RNF150: variants seen among roughly 807,000 people sequenced by gnomAD.
RNF150 encodes the protein ring finger protein 150.
RNF150 carries 24 observed loss-of-function variants against 39.3 expected under a neutral mutation model. The observed-to-expected ratio is 0.61, with a 90% CI of 0.44 to 0.86. The LOEUF is 0.86. Ranked by LOEUF, RNF150 falls within the 40% of genes least tolerant of loss-of-function variation. The pLI, the probability that RNF150 is intolerant of heterozygous loss-of-function variation, is 0.00. For synonymous variants in RNF150, 255 were observed against 227.3 expected, an observed-to-expected ratio of 1.12 and a Z score of -1.10; for missense variants, 502 against 587.8, an observed-to-expected ratio of 0.85 and a Z score of 1.51.
At chr4:141,029,889 A>G (rs888629826) in intron 1 of RNF150, among the ~76,000 whole-genome samples, 21 of 152,212 alleles carry the variant, frequency 1.4e-4, no homozygotes, top group Non-Finnish European at 2.6e-4. Flanking sequence ...AAGATGAAAT[A>G]CCAACATGCA....
At chr4:141,190,256 G>A (rs1297628874) in intron 1 of RNF150, among the ~76,000 whole-genome samples, 1 of 152,190 alleles carries the variant, frequency 6.6e-6, no homozygotes, top group Non-Finnish European at 1.5e-5. Flanking sequence ...TTGCAGACCA[G>A]AGCTGTTCCT....
chr4:140,936,603 CA>C (rs1257219632), intron 4 of RNF150, among the ~76,000 whole-genome samples: 12 of 151,994 alleles, frequency 7.9e-5, no homozygotes, highest in African/African-American at 2.9e-4. Flanking sequence ...GATAAGAACA[CA>C]AAATTCGTTA....
chr4:141,035,450 C>A (rs990533675), intron 1 of RNF150, among the ~76,000 whole-genome samples: 1 of 152,138 alleles, frequency 6.6e-6, no homozygotes, highest in Non-Finnish European at 1.5e-5. Flanking sequence ...GAAGAGGACA[C>A]AACAGAAGTC....
rs143884898 is a variant in RNF150 at position 141,087,370 on chromosome 4, G to A, written c.484+44955C>T. 8.0e-3 allele frequency among the ~76,000 whole-genome samples: 1,223 copies of A among 152,122 alleles called. 18 individuals carry two copies. Among genetic ancestry groups the A allele is most frequent in the African/African-American group, 0.028 (1,149 of 41,480 alleles). Reference sequence around the variant, plus strand: ...GGTGTATATATACTGCATTTTCCATGTGCATATTTTTCTACTACTCCTTTG... The same window carrying A: ...GGTGTATATATACTGCATTTTCCATATGCATATTTTTCTACTACTCCTTTG... On this transcript the variant is annotated intron_variant, in intron 1 of 6. Coordinates refer to ENST00000515673, the MANE Select transcript of RNF150 (RefSeq NM_020724.2).
At chr4:141,060,176 C>T (rs1737157885) in intron 1 of RNF150, among the ~76,000 whole-genome samples, 1 of 152,202 alleles carries the variant, frequency 6.6e-6, no homozygotes, top group African/African-American at 2.4e-5. Context: ...CACAGTGGCT[C>T]ACGCCTGTAA....
chr4:140,907,706 C>A (rs1418665923), intron 6 of RNF150, among the ~76,000 whole-genome samples: 1 of 152,228 alleles, frequency 6.6e-6, no homozygotes, highest in East Asian at 1.9e-4. Flanking sequence ...TGTTCTGTCT[C>A]TGAGCATAGC....
chr4:141,104,681 G>A (rs576938408), intron 1 of RNF150, among the ~76,000 whole-genome samples: 3 of 152,316 alleles, frequency 2.0e-5, no homozygotes, highest in East Asian at 3.9e-4. Flanking sequence ...ATTTAGAGGA[G>A]GCTGAATCGT....
intron 1 of RNF150, among the ~76,000 whole-genome samples, chr4:141,176,385 C>T (rs1424744068): frequency 6.6e-6 from 1 of 152,172 alleles, no homozygotes; most frequent in Non-Finnish European, 1.5e-5. Flanking sequence ...AAAATTTAAG[C>T]ACATGGCTTG....
intron 1 of RNF150, among the ~76,000 whole-genome samples, chr4:141,184,552 G>T (rs1345890055): frequency 1.3e-5 from 2 of 152,090 alleles, no homozygotes; most frequent in African/African-American, 2.4e-5. Context: ...ATTGCTTTTG[G>T]TATTTTAGTC....
At chr4:141,189,890 G>T (rs1004091843) in intron 1 of RNF150, among the ~76,000 whole-genome samples, 3 of 152,186 alleles carry the variant, frequency 2.0e-5, no homozygotes, top group Non-Finnish European at 2.9e-5. Flanking sequence ...CTTCAGCCCC[G>T]TTTCAGGGGA....
At chr4:140,985,415 G>A (rs1219975673) in intron 1 of RNF150, among the ~76,000 whole-genome samples, 1 of 152,120 alleles carries the variant, frequency 6.6e-6, no homozygotes, top group Non-Finnish European at 1.5e-5. Context: ...GACCTTATGA[G>A]AGAATGATAT....
rs542790089 is a variant in RNF150 at position 141,162,373 on chromosome 4, G to A, written c.-6+50421C>T. ...ATGGGATTATTTACCCAATGCCTAC[G>A]CCTCATTGCATCTTGGAAGTAACTA... On this transcript the variant is annotated intron_variant, in intron 1 of 7. Coordinates refer to the RNF150 transcript ENST00000420921. 9.9e-5 allele frequency among the ~76,000 whole-genome samples: 15 copies of A among 152,244 alleles called. No individual in the cohort carries two copies. The South Asian group carries it at 1.2e-3, about 13-fold the overall frequency.
chr4:141,057,237 T>C (rs1013323028), intron 1 of RNF150, among the ~76,000 whole-genome samples: 2 of 152,012 alleles, frequency 1.3e-5, no homozygotes, highest in Non-Finnish European at 2.9e-5. Flanking sequence ...TAAATGTTAA[T>C]TCTTATTTTT....
At chr4:141,093,621 CA>C (rs1288618898) in intron 1 of RNF150, among the ~76,000 whole-genome samples, 1 of 152,146 alleles carries the variant, frequency 6.6e-6, no homozygotes, top group African/African-American at 2.4e-5. Flanking sequence ...CTCCCCAGAT[CA>C]TTTTAAAGTG....
chr4:140,937,300 G>C (rs918924838), intron 4 of RNF150, among the ~76,000 whole-genome samples: 2 of 152,074 alleles, frequency 1.3e-5, no homozygotes, highest in African/African-American at 4.8e-5. Flanking sequence ...TTGCTCTGTT[G>C]TCCAGGCTGG....
intron 6 of RNF150, among the ~76,000 whole-genome samples, chr4:140,893,370 A>AT (rs1298522912): frequency 2.6e-5 from 4 of 152,162 alleles, no homozygotes; most frequent in Non-Finnish European, 5.9e-5. Flanking sequence ...TATCATGTTG[A>AT]TTTTTTGAAA....
intron 5 of RNF150, among the ~76,000 whole-genome samples, chr4:140,914,085 G>T (rs1431627558): frequency 1.3e-5 from 2 of 152,136 alleles, no homozygotes; most frequent in Non-Finnish European, 2.9e-5. Context: ...TCTAGCTGTT[G>T]ATATTGTTCT....
chr4:140,907,798 T>C (rs960188664), intron 6 of RNF150, among the ~76,000 whole-genome samples: 6 of 152,196 alleles, frequency 3.9e-5, no homozygotes, highest in African/African-American at 1.4e-4. Flanking sequence ...TCAGTGACAT[T>C]GGACAGTGAC....
intron 1 of RNF150, among the ~76,000 whole-genome samples, chr4:141,036,065 A>AGCAT (rs1432238995): frequency 1.3e-5 from 2 of 152,224 alleles, no homozygotes; most frequent in African/African-American, 4.8e-5. Flanking sequence ...TGACTAAGAG[A>AGCAT]GCATCATAAA....
Sources: gnomAD v4.1 joint callset for allele counts (sites outside exome capture counted in the v4.1 genomes callset) on GRCh38, gnomAD v4.1.1 for gene constraint, MANE v1.5 for transcripts, NCBI Gene and HGNC (gene_info 2026-07-23, HGNC 2026-07-21) for gene names.